Variants in SSTR5 observed in about 807,000 individuals in gnomAD.
SSTR5 encodes the protein somatostatin receptor type 5.
Under a neutral mutation model 0.3 loss-of-function variants are expected in SSTR5, and 1 was observed. The ratio of observed to expected loss-of-function variants is 2.98; its 90% CI spans 1.06 to 14.15. SSTR5 has a LOEUF of 14.15. Among genes scored for constraint, SSTR5 ranks in the 30% most tolerant of loss-of-function variants. The pLI is 0.12. For missense variants in SSTR5, 516 were observed against 543.2 expected, an observed-to-expected ratio of 0.95 and a Z score of 0.50; for synonymous variants, 256 against 263.1, an observed-to-expected ratio of 0.97 and a Z score of 0.26.
In SSTR5 at chr16:1,079,889, C is replaced by A. The variant is rs576448845; in HGVS notation, c.1021C>A (p.Arg341=). The A allele has an allele frequency of 2.4e-5, 39 of 1,609,180 alleles. No homozygotes were observed. In the East Asian group the frequency reaches 8.3e-4, roughly 34 times the overall value. Residue 341 remains arginine (R), a synonymous_variant, in exon 2 of 2, where the codon CGG becomes AGG. Coordinates refer to ENST00000689027, the MANE Select transcript of SSTR5 (RefSeq NM_001172560.3). ...CACGGAGCCGCGTCCAGACAGGATCCGGCAGCAGCAGGAGGCCACGCCACC... is the reference window on the plus strand; with the variant it reads ...CACGGAGCCGCGTCCAGACAGGATCAGGCAGCAGCAGGAGGCCACGCCACC... ...DATEPRPDRI[R]QQQEATPPAH... is the part of the protein sequence containing the mutation.
rs34540837 is a variant in SSTR5 at position 1,080,614 on chromosome 16, G to A, written c.*651G>A. On this transcript the variant is annotated 3_prime_UTR_variant, in exon 2 of 2. Transcript: ENST00000689027. ...CGACACCCCCCATGGGAGGCTGCGG[G>A]CGGCAGTTGCTGTCTCAGAGAGGGG... Among the ~76,000 whole-genome samples the A allele has an allele frequency of 5.3e-5, 8 of 152,240 alleles. No homozygotes were observed. Among genetic ancestry groups the A allele is most frequent in the Non-Finnish European group, 7.3e-5 (5 of 68,040 alleles).
Position 1,080,102 on chromosome 16 carries a change from G to A in SSTR5, c.*139G>A. ...ACAGAGCTGGCTGAAGCCAGGCTGG[G>A]GTAGACACAGGGCAGTAGGTTCCCC... On this transcript the variant is annotated 3_prime_UTR_variant, in exon 2 of 2. Coordinates refer to ENST00000689027, the MANE Select transcript of SSTR5 (RefSeq NM_001172560.3). 1 of 1,166,784 alleles carries A rather than the reference G, an allele frequency of 8.6e-7. No individual in the cohort carries two copies. Among genetic ancestry groups the A allele is most frequent in the Non-Finnish European group, 1.2e-6 (1 of 840,706 alleles). The allele number at this position is 1,166,784 out of a possible 1,614,324, so 72.3% of individuals were successfully genotyped here. A position where few individuals can be genotyped will look rare whatever the true frequency, so the allele number is the denominator to read the frequency against.
At chr16:1,074,170 C>T (rs973484553) in intron 1 of SSTR5, among the ~76,000 whole-genome samples, 3 of 152,208 alleles carry the variant, frequency 2.0e-5, no homozygotes, top group East Asian at 1.9e-4. Context: ...CAGGTCAGAA[C>T]GCTTGTCCTG....
In SSTR5 at chr16:1,078,885, C is replaced by T. The variant is rs1460713705; in HGVS notation, c.17C>T (p.Pro6Leu). MEPLF[P>L]ASTPSWNASS... ...GCTGCCGCCATGGAGCCCCTGTTCC[C>T]AGCCTCCACGCCCAGCTGGAACGCC... is the stretch of plus-strand genomic sequence containing the variant. The change falls in exon 2 of 2, where the codon CCA becomes CTA. Residue 6 changes from proline to leucine, a missense_variant. By Grantham distance (98) the Pro-to-Leu change is moderately conservative (BLOSUM62 -3). Transcript: ENST00000689027. The T allele has an allele frequency of 6.2e-7, 1 of 1,606,272 alleles. No individual in the cohort carries two copies. Among genetic ancestry groups the T allele is most frequent in the Non-Finnish European group, 8.5e-7 (1 of 1,179,332 alleles).
rs552005310 is a variant in SSTR5, at chr16:1,078,890, T to A, written c.22T>A (p.Ser8Thr). Residue 8 changes from serine to threonine, a missense_variant, in exon 2 of 2, where the codon TCC becomes ACC. Coordinates refer to ENST00000689027, the MANE Select transcript of SSTR5 (RefSeq NM_001172560.3). MEPLFPA[S>T]TPSWNASSPG... Reference sequence around the variant, plus strand: ...CGCCATGGAGCCCCTGTTCCCAGCCTCCACGCCCAGCTGGAACGCCTCCTC... The same window carrying A: ...CGCCATGGAGCCCCTGTTCCCAGCCACCACGCCCAGCTGGAACGCCTCCTC... The A allele has an allele frequency of 6.2e-7, 1 of 1,606,498 alleles. No homozygotes were observed. The highest frequency in any genetic ancestry group is 8.5e-7 in the Non-Finnish European group (1 of 1,179,218).
Position 1,079,294 on chromosome 16 carries a change from G to A in SSTR5, c.426G>A (p.Val142=), listed in dbSNP as rs1567386578. ...VMSVDRYLAV[V]HPLSSARWRR... ...GCGTGGACCGCTACCTGGCAGTGGTGCACCCGCTGAGCTCGGCCCGCTGGC... is the reference window on the plus strand; with the variant it reads ...GCGTGGACCGCTACCTGGCAGTGGTACACCCGCTGAGCTCGGCCCGCTGGC... Residue 142 remains valine, a synonymous_variant, in exon 2 of 2, where the codon GTG becomes GTA. Coordinates refer to ENST00000689027, the MANE Select transcript of SSTR5 (RefSeq NM_001172560.3). The A allele has an allele frequency of 4.3e-6, 7 of 1,611,120 alleles. No homozygotes were observed. In the East Asian group the frequency reaches 1.1e-4, roughly 26 times the overall value.
rs1376377047 is a variant in SSTR5, at chr16:1,079,470, T to A, written c.602T>A (p.Phe201Tyr). The A allele has an allele frequency of 3.7e-6, 6 of 1,610,068 alleles. No homozygotes were observed. Among genetic ancestry groups the A allele is most frequent in the Non-Finnish European group, 5.1e-6 (6 of 1,178,700 alleles). ...PEPVGLWGAV[F>Y]IIYTAVLGFF... ...CCCGTGGGGCTGTGGGGCGCCGTCT[T>A]CATCATCTACACGGCCGTGCTGGGC... The change falls in exon 2 of 2, where the codon TTC becomes TAC. Residue 201 changes from phenylalanine to tyrosine, a missense_variant. Coordinates refer to ENST00000689027, the MANE Select transcript of SSTR5 (RefSeq NM_001172560.3).
At chr16:1,077,369 C>T (rs1960233938) in intron 1 of SSTR5, among the ~76,000 whole-genome samples, 1 of 152,238 alleles carries the variant, frequency 6.6e-6, no homozygotes, top group African/African-American at 2.4e-5. Flanking sequence ...CAGAGTCACA[C>T]AGCTCCAGGG....
Position 1,080,895 on chromosome 16 carries a change from G to A in SSTR5, c.*932G>A, listed in dbSNP as rs377269609. ...TGGAGAGGACAGGGAACCTGCGGCC[G>A]TCTCTTCTGCTTTGGGGCAGGGGCT... On this transcript the variant is annotated 3_prime_UTR_variant, in exon 2 of 2. Transcript: ENST00000689027. The A allele has an allele frequency of 3.3e-3, 1,239 of 380,840 alleles. 5 individuals carry two copies. Among genetic ancestry groups the A allele is most frequent in the Non-Finnish European group, 5.1e-3 (929 of 183,132 alleles). 23.6% of individuals were successfully genotyped at this position (380,840 alleles called of 1,614,324 possible). A position where few individuals can be genotyped will look rare whatever the true frequency, so the allele number is the denominator to read the frequency against.
rs1251533846 is a variant in SSTR5 at position 1,079,932 on chromosome 16, C to T, written c.1064C>T (p.Ala355Val). ...ACGCCACCCGCGCACCGCGCCGCAG[C>T]CAACGGGCTTATGCAGACCAGCAAG... ...EATPPAHRAA[A>V]NGLMQTSKL is the part of the protein sequence containing the mutation. Residue 355 changes from alanine (A) to valine (V), a missense_variant, in exon 2 of 2, where the codon GCC becomes GTC. Coordinates refer to ENST00000689027, the MANE Select transcript of SSTR5 (RefSeq NM_001172560.3). 6.2e-7 allele frequency: 1 copy of T among 1,605,132 alleles called. No homozygotes were observed. The highest frequency in any genetic ancestry group is 8.5e-7 in the Non-Finnish European group (1 of 1,176,572).
chr16:1,076,872 T>C (rs1960222659), intron 1 of SSTR5, among the ~76,000 whole-genome samples: 1 of 152,260 alleles, frequency 6.6e-6, no homozygotes, highest in Non-Finnish European at 1.5e-5. Context: ...TGCACATATT[T>C]AAACATAGCC....
In SSTR5 at chr16:1,080,062, G is replaced by A. The variant is rs909255261; in HGVS notation, c.*99G>A. On this transcript the variant is annotated 3_prime_UTR_variant, in exon 2 of 2. Coordinates refer to ENST00000689027, the MANE Select transcript of SSTR5 (RefSeq NM_001172560.3). ...TGACCTGCCAGTCAGGATGCTCCCC[G>A]GCGGTGGTGTGAGGACAGAGCTGGC... 53 of 1,442,744 alleles carry A rather than the reference G, an allele frequency of 3.7e-5. No homozygotes were observed. Among genetic ancestry groups the A allele is most frequent in the African/African-American group, 1.0e-4 (7 of 70,090 alleles). 89.4% of individuals were successfully genotyped at this position (1,442,744 alleles called of 1,614,324 possible).
At position 1,079,628 on chromosome 16, in the gene SSTR5, G is replaced by A. The variant is rs1960315130; in HGVS notation, c.760G>A (p.Val254Met). The change falls in exon 2 of 2, where the codon GTG (valine) becomes ATG (methionine). Residue 254 changes from valine (V) to methionine (M), a missense_variant. Physicochemically the swap from Val to Met is conservative, Grantham distance 21. Coordinates refer to ENST00000689027, the MANE Select transcript of SSTR5 (RefSeq NM_001172560.3). Reference sequence around the variant, plus strand: ...GGTGACGCGCATGGTGTTGGTGGTGGTGCTGGTGTTTGCGGGATGTTGGCT... The same window carrying A: ...GGTGACGCGCATGGTGTTGGTGGTGATGCTGGTGTTTGCGGGATGTTGGCT... The part of the protein sequence containing the change: ...RKVTRMVLVV[V>M]LVFAGCWLPF... 1.9e-6 allele frequency: 3 copies of A among 1,612,326 alleles called. No individual in the cohort carries two copies. The highest frequency in any genetic ancestry group is 1.7e-6 in the Non-Finnish European group (2 of 1,179,346).
rs1960267100 is a variant in SSTR5 at position 1,078,675 on chromosome 16, A to G, written c.-27-167A>G. On this transcript the variant is annotated intron_variant, in intron 1 of 1. Coordinates refer to ENST00000689027, the MANE Select transcript of SSTR5 (RefSeq NM_001172560.3). ...CCTTCCTCTCCTGGCTTATTTTCCA[A>G]ACAATTTGCTTAACGTGATTCCCGG... 1.3e-5 allele frequency: 9 copies of G among 694,338 alleles called. No homozygotes were observed. In the East Asian group the frequency reaches 2.5e-4, roughly 19 times the overall value. The allele number at this position is 694,338 out of a possible 1,614,324, so 43.0% of individuals were successfully genotyped here. A position where few individuals can be genotyped will look rare whatever the true frequency, so the allele number is the denominator to read the frequency against.
rs1389847720 is a variant in SSTR5 at position 1,081,430 on chromosome 16, T to C, written c.*1467T>C. ...CACGCGTGTTTGACAACTGCTCCCC[T>C]GAATAAATGCGAGGATAAATGTTTG... On this transcript the variant is annotated 3_prime_UTR_variant, in exon 2 of 2. Transcript: ENST00000689027. 6.6e-6 allele frequency among the ~76,000 whole-genome samples: 1 copy of C among 152,198 alleles called. No individual in the cohort carries two copies. The highest frequency in any genetic ancestry group is 2.4e-5 in the African/African-American group (1 of 41,454).
chr16:1,080,884 A>G lies in SSTR5; in HGVS notation c.*921A>G. 1 of 379,870 alleles carries G rather than the reference A, an allele frequency of 2.6e-6. No individual in the cohort carries two copies. The highest frequency in any genetic ancestry group is 5.5e-6 in the Non-Finnish European group (1 of 183,176). The allele number at this position is 379,870 out of a possible 1,614,324, so 23.5% of individuals were successfully genotyped here. On this transcript the variant is annotated 3_prime_UTR_variant, in exon 2 of 2. Transcript: ENST00000689027. Reference sequence around the variant, plus strand: ...GGGTCAGGGCTTGGAGAGGACAGGGAACCTGCGGCCGTCTCTTCTGCTTTG... The same window carrying G: ...GGGTCAGGGCTTGGAGAGGACAGGGGACCTGCGGCCGTCTCTTCTGCTTTG...
intron 1 of SSTR5, 136 bp downstream of exon 1, chr16:1,072,958 ACT>A (rs1262635317): frequency 6.6e-6 from 1 of 151,400 alleles, no homozygotes; most frequent in African/African-American, 2.4e-5. Context: ...CGCTGCACGC[ACT>A]GTCCCCCACG....
intron 1 of SSTR5, among the ~76,000 whole-genome samples, chr16:1,076,863 G>A (rs1468267759): frequency 1.3e-5 from 2 of 152,102 alleles, no homozygotes; most frequent in African/African-American, 4.8e-5. Context: ...TGTGGATCCT[G>A]CACATATTTA....
intron 1 of SSTR5, 56 bp from the exon 2 acceptor site, chr16:1,078,786 T>C: frequency 6.6e-7 from 1 of 1,520,198 alleles, no homozygotes; most frequent in Non-Finnish European, 8.9e-7. Flanking sequence ...AAGGAATGCC[T>C]GCATGTGCTG....
Sources: gnomAD v4.1 joint callset for allele counts (sites outside exome capture counted in the v4.1 genomes callset) on GRCh38, gnomAD v4.1.1 for gene constraint, MANE v1.5 for transcripts, NCBI Gene and HGNC (gene_info 2026-07-23, HGNC 2026-07-21) for gene names.